Variants in DMD observed in about 807,000 individuals in gnomAD.
DMD encodes mutant dystrophin.
A neutral mutation model predicts 330.1 loss-of-function variants in DMD; 63 were observed. That is an observed-to-expected ratio of 0.19 (90% CI 0.16 to 0.24). The LOEUF (loss-of-function observed/expected upper bound fraction) is 0.24, where lower values mean the gene tolerates loss of function less well. DMD is among the 10% of genes least tolerant of loss of function. The pLI is 1.00. For missense variants in DMD, 3,344 were observed against 2,684.1 expected (o/e 1.25, Z -5.43); for synonymous variants, 1,223 against 959.8 (o/e 1.27, Z -5.07).
intron 6 of DMD, among the ~76,000 whole-genome samples, chrX:32,813,519 C>G (rs981575743): frequency 8.9e-6 from 1 of 111,748 alleles, no homozygotes; most frequent in African/African-American, 3.2e-5. Flanking sequence ...CGTCATGGAA[C>G]TTGATTGAAT....
intron 12 of DMD, among the ~76,000 whole-genome samples, chrX:32,598,155 T>G (rs907104237): frequency 8.9e-6 from 1 of 112,418 alleles, no homozygotes; most frequent in Non-Finnish European, 1.9e-5. Context: ...TCTTTTTACT[T>G]CGTCTCTCTA....
At chrX:32,638,643 A>G (rs1347838413) in intron 11 of DMD, among the ~76,000 whole-genome samples, 1 of 112,176 alleles carries the variant, frequency 8.9e-6, no homozygotes, top group Non-Finnish European at 1.9e-5. Context: ...AACTTACCAA[A>G]TTGTGAAATA....
chrX:32,242,020 G>A (rs2097210579), intron 43 of DMD, among the ~76,000 whole-genome samples: 1 of 111,658 alleles, frequency 9.0e-6, no homozygotes, highest in Non-Finnish European at 1.9e-5. Flanking sequence ...ATGCTCCCCA[G>A]AGAGACCCAA....
At chrX:31,951,925 G>A (rs926537676) in intron 45 of DMD, among the ~76,000 whole-genome samples, 29 of 110,940 alleles carry the variant, frequency 2.6e-4, no homozygotes, top group African/African-American at 8.8e-4. Flanking sequence ...TCTCAACTTG[G>A]TAATATATTT....
At chrX:32,192,552 A>ATATC (rs1401935137) in intron 44 of DMD, among the ~76,000 whole-genome samples, 1 of 112,069 alleles carries the variant, frequency 8.9e-6, no homozygotes, top group African/African-American at 3.2e-5. Flanking sequence ...TCTTAAGTGG[A>ATATC]TATCCTCAAA....
intron 48 of DMD, among the ~76,000 whole-genome samples, chrX:31,874,151 C>T (rs931389125): frequency 1.8e-4 from 20 of 111,311 alleles, no homozygotes; most frequent in South Asian, 3.7e-4. Context: ...ACTTGGAAGA[C>T]GCAATGACTT....
At chrX:32,729,177 C>A (rs2067238040) in intron 7 of DMD, among the ~76,000 whole-genome samples, 1 of 111,807 alleles carries the variant, frequency 8.9e-6, no homozygotes, top group African/African-American at 3.2e-5. Context: ...AAGGGAAATC[C>A]TTATTGAATC....
intron 30 of DMD, among the ~76,000 whole-genome samples, chrX:32,399,056 C>T (rs190812049): frequency 3.6e-5 from 4 of 112,062 alleles, no homozygotes; most frequent in Non-Finnish European, 1.9e-5. Flanking sequence ...AACCAGACCT[C>T]TATCTTGAAC....
intron 7 of DMD, among the ~76,000 whole-genome samples, chrX:32,709,843 A>T (rs1382884429): frequency 1.8e-5 from 2 of 111,688 alleles, no homozygotes; most frequent in African/African-American, 6.5e-5. Flanking sequence ...ATAAGAATAT[A>T]AAAACCACAA....
intron 44 of DMD, among the ~76,000 whole-genome samples, chrX:32,179,795 A>G (rs1447896495): frequency 2.7e-5 from 3 of 111,490 alleles, no homozygotes; most frequent in South Asian, 7.6e-4. Flanking sequence ...ATGGCAGTGA[A>G]TAAGTCTCAG....
chrX:32,759,106 G>C (rs2071894780), intron 7 of DMD, among the ~76,000 whole-genome samples: 1 of 111,744 alleles, frequency 8.9e-6, no homozygotes, highest in African/African-American at 3.3e-5. Flanking sequence ...CACAGCCCTT[G>C]TTGATTTCTC....
intron 34 of DMD, among the ~76,000 whole-genome samples, chrX:32,376,165 C>T (rs2097902082): frequency 9.0e-6 from 1 of 111,488 alleles, no homozygotes; most frequent in African/African-American, 3.3e-5. Flanking sequence ...TCTGTAATCC[C>T]AGCTACCCGG....
At chrX:31,599,914 A>G (rs1318412335) in intron 55 of DMD, among the ~76,000 whole-genome samples, 1 of 111,444 alleles carries the variant, frequency 9.0e-6, no homozygotes, top group Non-Finnish European at 1.9e-5. Context: ...ACTAGAATGT[A>G]GGTCACTGAG....
intron 47 of DMD, among the ~76,000 whole-genome samples, chrX:31,928,016 C>G (rs1193209212): frequency 8.9e-6 from 1 of 111,753 alleles, no homozygotes; most frequent in African/African-American, 3.2e-5. Context: ...TTTACACAAC[C>G]AGATCCAAAA....
At chrX:33,030,991 T>C (rs182584102) in intron 1 of DMD, among the ~76,000 whole-genome samples, 76 of 111,451 alleles carry the variant, frequency 6.8e-4, no homozygotes, top group South Asian at 2.7e-3. Context: ...AATCACAAGA[T>C]GTATTTACTC....
intron 2 of DMD, among the ~76,000 whole-genome samples, chrX:32,984,842 T>C (rs1403168461): frequency 9.0e-6 from 1 of 111,602 alleles, no homozygotes; most frequent in Admixed American, 9.6e-5. Context: ...AGCACTTACA[T>C]AGTGTACTGC....
intron 44 of DMD, among the ~76,000 whole-genome samples, chrX:32,101,236 G>A (rs1400120134): frequency 9.0e-6 from 1 of 111,575 alleles, no homozygotes; most frequent in Admixed American, 9.5e-5. Context: ...GAGAAGCAGT[G>A]GTGGTTTAAA....
intron 2 of DMD, among the ~76,000 whole-genome samples, chrX:32,933,348 G>T (rs746460490): frequency 1.4e-3 from 159 of 111,049 alleles, no homozygotes; most frequent in Non-Finnish European, 2.0e-3. Context: ...CATTGGTCGG[G>T]GTAGGTGATT....
chrX:31,314,779 A>AGAGAGAGAGAGAGAGAGAGAGT (rs1225831523), intron 62 of DMD, among the ~76,000 whole-genome samples: 1,233 of 93,373 alleles, frequency 0.013, 34 homozygotes, highest in African/African-American at 0.043. Context: ...AGAGAGAGAG[A>AGAGAGAGAGAGAGAGAGAGAGT]GTGTTTTACC....
Sources: allele counts gnomAD v4.1 joint callset (sites outside exome capture counted in the v4.1 genomes callset), GRCh38; gene constraint gnomAD v4.1.1; transcripts MANE v1.5; gene names NCBI Gene and HGNC (gene_info 2026-07-23, HGNC 2026-07-21).